BEAN1: variants seen among roughly 807,000 people sequenced by gnomAD.
The protein encoded by BEAN1 is brain expressed associated with NEDD4 1.
Under a neutral mutation model 17.7 loss-of-function variants are expected in BEAN1, and 17 were observed. The observed-to-expected ratio is 0.96, with a 90% CI of 0.66 to 1.44. The LOEUF (loss-of-function observed/expected upper bound fraction) is 1.44, where lower values mean the gene tolerates loss of function less well. BEAN1 is among the 40% of genes most tolerant of loss of function. The pLI, the probability that BEAN1 is intolerant of heterozygous loss-of-function variation, is 0.00. For missense variants in BEAN1, 359 were observed against 374.1 expected, an observed-to-expected ratio of 0.96 and a Z score of 0.33; for synonymous variants, 142 against 151.8, an observed-to-expected ratio of 0.94 and a Z score of 0.47.
At chr16:66,435,542 C>T (rs1325413654) in intron 1 of BEAN1, among the ~76,000 whole-genome samples, 1 of 152,172 alleles carries the variant, frequency 6.6e-6, no homozygotes, top group Non-Finnish European at 1.5e-5. Flanking sequence ...GGCTGGAGTG[C>T]AGTGGCATGA....
chr16:66,454,958 A>G (rs1962813085), intron 2 of BEAN1, among the ~76,000 whole-genome samples: 1 of 152,034 alleles, frequency 6.6e-6, no homozygotes, highest in African/African-American at 2.4e-5. Context: ...ACAGGTTCAC[A>G]CTGTGCTTAC....
At chr16:66,464,156 C>A (rs554114760) in intron 2 of BEAN1, among the ~76,000 whole-genome samples, 1 of 152,126 alleles carries the variant, frequency 6.6e-6, no homozygotes, top group Non-Finnish European at 1.5e-5. Flanking sequence ...AAGATCATTT[C>A]GGTTTCTGCA....
chr16:66,472,394 A>G (rs1963517802), intron 3 of BEAN1, among the ~76,000 whole-genome samples: 2 of 152,264 alleles, frequency 1.3e-5, no homozygotes, highest in Admixed American at 1.3e-4. Flanking sequence ...CAAAAGATGT[A>G]GTTGCCCCCT....
intron 2 of BEAN1, among the ~76,000 whole-genome samples, chr16:66,456,176 G>A (rs1458535337): frequency 1.3e-5 from 2 of 152,218 alleles, no homozygotes; most frequent in African/African-American, 4.8e-5. Context: ...GGATGACATG[G>A]CCTTCACACA....
chr16:66,485,552 C>T (rs527478258), downstream of BEAN1: 30 of 199,458 alleles, frequency 1.5e-4, no homozygotes, highest in Non-Finnish European at 3.0e-4. Flanking sequence ...GAGCCCAGGA[C>T]TGGTTGCCTA....
chr16:66,433,837 C>T (rs565382533), intron 1 of BEAN1, among the ~76,000 whole-genome samples: 1 of 152,042 alleles, frequency 6.6e-6, no homozygotes, highest in African/African-American at 2.4e-5. Context: ...TGAGGCTGGC[C>T]GCTCCTGGGG....
chr16:66,478,006 G>A (rs1963827288), intron 4 of BEAN1: 1 of 265,752 alleles, frequency 3.8e-6, no homozygotes, highest in South Asian at 9.4e-5. Context: ...AGGTTCCGTG[G>A]CAGCTGTTCT....
At chr16:66,447,189 G>C (rs1348795257) in intron 2 of BEAN1, among the ~76,000 whole-genome samples, 1 of 152,164 alleles carries the variant, frequency 6.6e-6, no homozygotes, top group Non-Finnish European at 1.5e-5. Context: ...AGGATGACTT[G>C]AGCCCAGGAG....
At chr16:66,485,271 C>T (rs569511177), downstream of BEAN1, 6 of 371,602 alleles carry the variant, frequency 1.6e-5, no homozygotes, top group East Asian at 7.3e-5. Context: ...CCTGTGGTTT[C>T]GTGGACATTT....
chr16:66,460,841 G>A (rs1963054537), intron 2 of BEAN1, among the ~76,000 whole-genome samples: 1 of 152,190 alleles, frequency 6.6e-6, no homozygotes, highest in Non-Finnish European at 1.5e-5. Context: ...TCTATCTGTG[G>A]GGCTGTGTGA....
chr16:66,433,612 C>T (rs943987627), intron 1 of BEAN1, among the ~76,000 whole-genome samples: 7 of 152,228 alleles, frequency 4.6e-5, no homozygotes, highest in Non-Finnish European at 8.8e-5. Context: ...CCTAGGAACC[C>T]TCTTGGGGCA....
downstream of BEAN1, chr16:66,485,887 T>A (rs1311743467): frequency 6.6e-6 from 1 of 152,390 alleles, no homozygotes; most frequent in African/African-American, 2.4e-5. Context: ...AGCCTCATTA[T>A]CCAACTGCAA....
At position 66,478,825 on chromosome 16, in the gene BEAN1, T is replaced by A. The variant is rs1338448640; in HGVS notation, c.440+1115T>A. On this transcript the variant is annotated intron_variant, in intron 4 of 4. Transcript: ENST00000536005. ...AGGAAATCGGCCTTTGTCAAGGGTG[T>A]GTGGTGCTTGGGTTGGGAGGAACTG... Among the ~76,000 whole-genome samples the A allele has an allele frequency of 2.0e-5, 3 of 151,886 alleles. No individual in the cohort carries two copies. In the East Asian group the frequency reaches 5.8e-4, roughly 29 times the overall value.
Position 66,482,685 on chromosome 16 carries a change from A to G in BEAN1, c.*1760A>G, listed in dbSNP as rs191646259. The G allele has an allele frequency of 5.5e-6, 2 of 361,528 alleles. No homozygotes were observed. Among genetic ancestry groups the G allele is most frequent in the African/African-American group, 4.3e-5 (2 of 46,914 alleles). The allele number at this position is 361,528 out of a possible 1,614,324, so 22.4% of individuals were successfully genotyped here. The stretch of plus-strand genomic sequence containing the variant: ...TGCTGGGGGAAAAAAAGGGATAAAA[A>G]TTCCTACCTACTCATCAGTGTTTGA... On this transcript the variant is annotated 3_prime_UTR_variant, in exon 5 of 5. Transcript: ENST00000536005.
chr16:66,490,834 C>A (rs929522189), intron 4 of BEAN1, among the ~76,000 whole-genome samples: 1 of 152,212 alleles, frequency 6.6e-6, no homozygotes, highest in South Asian at 2.1e-4. Flanking sequence ...GCCCGGTCAC[C>A]CTCCAATCTC....
intron 4 of BEAN1, among the ~76,000 whole-genome samples, chr16:66,478,506 G>A (rs979753925): frequency 2.6e-5 from 4 of 152,222 alleles, no homozygotes; most frequent in Non-Finnish European, 5.9e-5. Flanking sequence ...GGAGGCTGAG[G>A]CAGGAGAATC....
chr16:66,444,123 TC>T lies in BEAN1; in HGVS notation c.25+6426del, dbSNP rs370142805. On this transcript the variant is annotated intron_variant, in intron 2 of 4. Coordinates refer to ENST00000536005, the MANE Select transcript of BEAN1 (RefSeq NM_001178020.3). ...CTGGCAAAGTGCTTGCATTTCACTGTCCCCTGGTGGTGAGCTCACTGTCCCT... is the reference window on the plus strand; with the variant it reads ...CTGGCAAAGTGCTTGCATTTCACTGTCCCTGGTGGTGAGCTCACTGTCCCT... Among the ~76,000 whole-genome samples the T allele has an allele frequency of 6.2e-4, 95 of 152,336 alleles. 1 individual carries two copies. In the South Asian group the frequency reaches 0.019, roughly 30 times the overall value.
At position 66,470,206 on chromosome 16, in the gene BEAN1, G is replaced by GGATA. The variant is rs1223326736; in HGVS notation, c.289+344_289+345insAGAT. On this transcript the variant is annotated intron_variant, in intron 3 of 4. Transcript: ENST00000536005. ...TGGATGGATGGATGGATGGATGGAT[G>GGATA]GATGGATGGATGGTTGGGTGGAGAG... 145 of 442,390 alleles carry GGATA rather than the reference G, an allele frequency of 3.3e-4. 2 individuals carry two copies. The East Asian group carries it at 5.8e-3, about 18-fold the overall frequency. The allele number at this position is 442,390 out of a possible 1,614,324, so 27.4% of individuals were successfully genotyped here. A position where few individuals can be genotyped will look rare whatever the true frequency, so the allele number is the denominator to read the frequency against.
chr16:66,477,825 AC>A, intron 4 of BEAN1, 115 bp downstream of exon 4: 1 of 1,235,186 alleles, frequency 8.1e-7, no homozygotes. Flanking sequence ...AATGCAGAAA[AC>A]ATCTGCTCAG....
Sources: allele counts gnomAD v4.1 joint callset (sites outside exome capture counted in the v4.1 genomes callset), GRCh38; gene constraint gnomAD v4.1.1; transcripts MANE v1.5; gene names NCBI Gene and HGNC (gene_info 2026-07-23, HGNC 2026-07-21).